Variants in SNPH observed in about 807,000 individuals in gnomAD.
SNPH encodes syntaphilin.
Under a neutral mutation model 36.8 loss-of-function variants are expected in SNPH, and 10 were observed. The ratio of observed to expected loss-of-function variants is 0.27; its 90% CI spans 0.17 to 0.46. SNPH has a LOEUF of 0.46. SNPH is among the 20% of genes least tolerant of loss of function. The pLI is 1.00. For synonymous variants in SNPH, 281 were observed against 312.2 expected, an observed-to-expected ratio of 0.90 and a Z score of 1.05; for missense variants, 622 against 744.0, an observed-to-expected ratio of 0.84 and a Z score of 1.91.
rs1288821859 is a variant in SNPH, at chr20:1,285,716, A to C, written c.-492-9235A>C. Among the ~76,000 whole-genome samples the C allele has an allele frequency of 6.6e-6, 1 of 152,132 alleles. No individual in the cohort carries two copies. Among genetic ancestry groups the C allele is most frequent in the Non-Finnish European group, 1.5e-5 (1 of 68,034 alleles). ...CCAAATCCAGTCATATTGGATCTAA[A>C]ATTCAGTTACATTTGATGTTCAAGC... On this transcript the variant is annotated intron_variant, in intron 2 of 6. Transcript: ENST00000381867. The surrounding 1 kb of genome is among the most constrained non-coding windows in gnomAD (Gnocchi z 4.9).
chr20:1,299,071 C>T (rs776537740), intron 5 of SNPH, among the ~76,000 whole-genome samples: 3 of 152,084 alleles, frequency 2.0e-5, no homozygotes, highest in South Asian at 2.1e-4. Flanking sequence ...AGGAGACCTG[C>T]GTGACTTGGC....
chr20:1,299,432 A>G (rs1167930421), intron 5 of SNPH, among the ~76,000 whole-genome samples: 1 of 152,220 alleles, frequency 6.6e-6, no homozygotes, highest in African/African-American at 2.4e-5. Flanking sequence ...TGTTTGAGCA[A>G]AACAACCAGC....
chr20:1,296,984 T>A, intron 4 of SNPH, 161 bp from the exon 5 acceptor site: 1 of 888,594 alleles, frequency 1.1e-6, no homozygotes, highest in Non-Finnish European at 1.3e-6. Context: ...CACTGTCTGT[T>A]CTGTCACCCC....
intron 2 of SNPH, among the ~76,000 whole-genome samples, chr20:1,274,558 A>C (rs540620395): frequency 6.6e-6 from 1 of 152,278 alleles, no homozygotes; most frequent in East Asian, 1.9e-4. Flanking sequence ...TGAGGCAAGC[A>C]GTGGGTGCTG....
rs202144201 is a variant in SNPH at position 1,305,760 on chromosome 20, G to C, written c.1323G>C (p.Ser441=). 7 of 1,610,504 alleles carry C rather than the reference G, an allele frequency of 4.3e-6. No individual in the cohort carries two copies. The highest frequency in any genetic ancestry group is 5.9e-6 in the Non-Finnish European group (7 of 1,178,926). ...RPGANPNPGQ[S]VSVVCPMEEE... is the part of the protein sequence containing the mutation. ...GTGCCAACCCCAACCCTGGCCAGTC[G>C]GTGAGCGTGGTGTGCCCCATGGAAG... Residue 441 remains serine (S), a synonymous_variant, in exon 7 of 7, where the codon TCG becomes TCC. Transcript: ENST00000381867.
intron 2 of SNPH, among the ~76,000 whole-genome samples, chr20:1,284,214 TG>T (rs1203571668): frequency 6.6e-6 from 1 of 152,182 alleles, no homozygotes; most frequent in Non-Finnish European, 1.5e-5. Context: ...AATAGAACAC[TG>T]TGTGTAGAAA....
At position 1,305,320 on chromosome 20, in the gene SNPH, A is replaced by T. The variant is rs1308543926; in HGVS notation, c.883A>T (p.Thr295Ser). The change falls in exon 7 of 7, where the codon ACA becomes TCA. Residue 295 changes from threonine (T) to serine (S), a missense_variant. Thr to Ser is a moderately conservative substitution (Grantham distance 58). Around this residue, in one of 3 missense-constraint regions of SNPH, gnomAD observed 379 missense variants for 427.9 expected, o/e 0.89. Coordinates refer to ENST00000381867, the MANE Select transcript of SNPH (RefSeq NM_001318234.2). ...ADSGFAAADD[T>S]LSRTDALEAS... ...CAGTGGCTTTGCAGCAGCCGATGAC[A>T]CACTGAGCCGGACGGACGCGCTGGA... 16 of 1,610,714 alleles carry T rather than the reference A, an allele frequency of 9.9e-6. No individual in the cohort carries two copies. Among genetic ancestry groups the T allele is most frequent in the Non-Finnish European group, 1.4e-5 (16 of 1,179,520 alleles).
chr20:1,280,532 C>G (rs1168190188), intron 2 of SNPH, among the ~76,000 whole-genome samples: 1 of 152,212 alleles, frequency 6.6e-6, no homozygotes, highest in Non-Finnish European at 1.5e-5. Flanking sequence ...GTTGTCACAA[C>G]TGCTGTATGA....
At chr20:1,275,260 C>A (rs527716025) in intron 2 of SNPH, among the ~76,000 whole-genome samples, 2 of 152,278 alleles carry the variant, frequency 1.3e-5, no homozygotes, top group South Asian at 2.1e-4. Flanking sequence ...AAAGAGAAAT[C>A]GATTATTCCT....
At chr20:1,292,211 A>G (rs1455544301) in intron 2 of SNPH, among the ~76,000 whole-genome samples, 1 of 152,208 alleles carries the variant, frequency 6.6e-6, no homozygotes, top group Non-Finnish European at 1.5e-5. Flanking sequence ...TGATAGGAGA[A>G]GTCACTGGTG....
Position 1,266,656 on chromosome 20 carries a change from C to T in SNPH, c.-597C>T. On this transcript the variant is annotated splice_region_variant and 5_prime_UTR_variant, in exon 2 of 7. Transcript: ENST00000381867. The surrounding 1 kb of genome is among the most constrained non-coding windows in gnomAD (Gnocchi z 6.0). The stretch of plus-strand genomic sequence containing the variant: ...ATCTCTTTTTCCTAACCCCGCAGGT[C>T]GCTGATCAGGGCCAGGCGGCTGCAG... 6.7e-7 allele frequency: 1 copy of T among 1,489,300 alleles called. No individual in the cohort carries two copies. The highest frequency in any genetic ancestry group is 8.9e-7 in the Non-Finnish European group (1 of 1,122,198). The allele number at this position is 1,489,300 out of a possible 1,614,324, so 92.3% of individuals were successfully genotyped here.
At chr20:1,298,336 A>G (rs1484508470) in intron 5 of SNPH, among the ~76,000 whole-genome samples, 2 of 152,142 alleles carry the variant, frequency 1.3e-5, no homozygotes, top group Non-Finnish European at 2.9e-5. Flanking sequence ...TGTGGCTCCC[A>G]TGGCTGGAGC....
At chr20:1,277,660 CTG>C (rs1409648947) in intron 2 of SNPH, among the ~76,000 whole-genome samples, 10 of 103,554 alleles carry the variant, frequency 9.7e-5, no homozygotes, top group East Asian at 6.2e-4. Flanking sequence ...GTCTGTGTAT[CTG>C]TGTGTGTCCG....
chr20:1,266,627 G>T lies in SNPH; in HGVS notation c.-599-27G>T, dbSNP rs1478606110. The T allele has an allele frequency of 2.0e-6, 3 of 1,482,668 alleles. No individual in the cohort carries two copies. Among genetic ancestry groups the T allele is most frequent in the Non-Finnish European group, 2.7e-6 (3 of 1,119,226 alleles). 91.8% of individuals were successfully genotyped at this position (1,482,668 alleles called of 1,614,324 possible). On this transcript the variant is annotated intron_variant, in intron 1 of 6. Transcript: ENST00000381867. This position sits in a 1 kb window ranked among gnomAD's most constrained non-coding sequence, Gnocchi z 6.0. Reference sequence around the variant, plus strand: ...TCCCCGCCCGCGCTCACCCGCCCCGGTCTATCTCTTTTTCCTAACCCCGCA... The same window carrying T: ...TCCCCGCCCGCGCTCACCCGCCCCGTTCTATCTCTTTTTCCTAACCCCGCA...
intron 2 of SNPH, among the ~76,000 whole-genome samples, chr20:1,272,809 C>T (rs950248961): frequency 6.6e-6 from 1 of 152,240 alleles, no homozygotes; most frequent in East Asian, 1.9e-4. Flanking sequence ...GCTTCTGGCT[C>T]CCCCAGCTTC....
Position 1,297,237 on chromosome 20 carries a change from G to A in SNPH, c.275G>A (p.Ser92Asn). 6.2e-7 allele frequency: 1 copy of A among 1,613,710 alleles called. No individual in the cohort carries two copies. The highest frequency in any genetic ancestry group is 8.5e-7 in the Non-Finnish European group (1 of 1,179,928). Reference protein sequence around the residue: ...SNSGSYKGSDSSPTPRRSMKY... With the variant: ...SNSGSYKGSDNSPTPRRSMKY... ...TCTGGCTCCTACAAGGGCAGTGACA[G>A]CAGTCCCACGCCAAGGTAATTGGCC... Residue 92 changes from serine to asparagine, a missense_variant, in exon 5 of 7, where the codon AGC (serine) becomes AAC (asparagine). Ser to Asn is a conservative substitution (Grantham distance 46). Around this residue, in one of 3 missense-constraint regions of SNPH, gnomAD observed 187 missense variants for 209.4 expected, o/e 0.89. Transcript: ENST00000381867.
intron 2 of SNPH, among the ~76,000 whole-genome samples, chr20:1,271,256 C>T (rs896283246): frequency 1.3e-5 from 2 of 152,200 alleles, no homozygotes; most frequent in Admixed American, 1.3e-4. Context: ...CTTTTCCACA[C>T]CTGCAAAATG....
rs2088543079 is a variant in SNPH at position 1,304,593 on chromosome 20, G to T, written c.441-285G>T. Among the ~76,000 whole-genome samples, 1 of 151,910 alleles carries T rather than the reference G, an allele frequency of 6.6e-6. No individual in the cohort carries two copies. Among genetic ancestry groups the T allele is most frequent in the Admixed American group, 6.6e-5 (1 of 15,246 alleles). On this transcript the variant is annotated intron_variant, in intron 6 of 6. Transcript: ENST00000381867. The surrounding 1 kb of genome is among the most constrained non-coding windows in gnomAD (Gnocchi z 4.3). ...ATGTTGAGAGTTGTCGGCATTCTGGGGGTGGTGGGGTGGGGGAGGGAATGC... is the reference window on the plus strand; with the variant it reads ...ATGTTGAGAGTTGTCGGCATTCTGGTGGTGGTGGGGTGGGGGAGGGAATGC...
chr20:1,292,425 G>A (rs981931216), intron 2 of SNPH, among the ~76,000 whole-genome samples: 2 of 152,200 alleles, frequency 1.3e-5, no homozygotes, highest in African/African-American at 4.8e-5. Flanking sequence ...GCTTTGCTCT[G>A]ATTTTTACCT....
Sources: gnomAD v4.1 joint callset for allele counts (sites outside exome capture counted in the v4.1 genomes callset) on GRCh38, gnomAD v4.1.1 for gene constraint, gnomAD v4.1.1 regional missense constraint, Gnocchi (gnomAD v3.1) non-coding constraint, MANE v1.5 for transcripts, NCBI Gene and HGNC (gene_info 2026-07-23, HGNC 2026-07-21) for gene names.